The following NUBPL variants were observed in gnomAD, a reference collection of about 807,000 sequenced individuals.
NUBPL encodes iron-sulfur cluster transfer protein NUBPL.
NUBPL carries 31 observed loss-of-function variants against 45.7 expected under a neutral mutation model. That is an observed-to-expected ratio of 0.68 (90% confidence interval 0.51 to 0.92). NUBPL has a LOEUF of 0.92. NUBPL is among the 40% of genes least tolerant of loss of function. NUBPL has a pLI of 0.00. For missense variants in NUBPL, 401 were observed against 398.7 expected, an observed-to-expected ratio of 1.01 and a Z score of -0.05; for synonymous variants, 144 against 140.9, an observed-to-expected ratio of 1.02 and a Z score of -0.15.
At chr14:31,720,254 A>G (rs923526831) in intron 6 of NUBPL, among the ~76,000 whole-genome samples, 1 of 152,176 alleles carries the variant, frequency 6.6e-6, no homozygotes, top group Non-Finnish European at 1.5e-5. Context: ...TTCGTCATCT[A>G]ACTTGGAGTA....
At position 31,624,984 on chromosome 14, in the gene NUBPL, T is replaced by A. The variant is rs80221314; in HGVS notation, c.382+25605T>A. ...GACACTCTCCCACAACAAATTATTA[T>A]CCAGTCCAAAATGGCAGTTGTGTTC... On this transcript the variant is annotated intron_variant, in intron 4 of 10. Transcript: ENST00000281081. Among the ~76,000 whole-genome samples the A allele has an allele frequency of 2.4e-4, 37 of 152,302 alleles. No homozygotes were observed. The East Asian group carries it at 5.6e-3, about 23-fold the overall frequency.
intron 7 of NUBPL, among the ~76,000 whole-genome samples, chr14:31,807,953 G>A (rs2138889888): frequency 6.6e-6 from 1 of 152,262 alleles, no homozygotes; most frequent in African/African-American, 2.4e-5. Context: ...TATTATTTCT[G>A]AGGGCTCTGT....
At chr14:31,657,895 T>C (rs145610479) in intron 4 of NUBPL, among the ~76,000 whole-genome samples, 3 of 152,276 alleles carry the variant, frequency 2.0e-5, no homozygotes, top group Non-Finnish European at 4.4e-5. Flanking sequence ...AACTTGAGAA[T>C]TTTAGAAGTC....
intron 6 of NUBPL, among the ~76,000 whole-genome samples, chr14:31,786,170 A>G (rs1156414646): frequency 6.6e-6 from 1 of 152,176 alleles, no homozygotes; most frequent in Admixed American, 6.5e-5. Flanking sequence ...AAATGAATAA[A>G]TAAATAAATA....
At chr14:31,830,401 A>C (rs1318644171) in intron 8 of NUBPL, among the ~76,000 whole-genome samples, 1 of 152,158 alleles carries the variant, frequency 6.6e-6, no homozygotes, top group East Asian at 1.9e-4. Flanking sequence ...GCATGAAAAC[A>C]CTTTTTCTTC....
intron 7 of NUBPL, among the ~76,000 whole-genome samples, chr14:31,811,908 A>G (rs1451706292): frequency 6.6e-6 from 1 of 152,154 alleles, no homozygotes; most frequent in Non-Finnish European, 1.5e-5. Flanking sequence ...ATTTTGCTAG[A>G]AGTCCACTTC....
At chr14:31,571,703 G>A (rs994881150) in intron 3 of NUBPL, among the ~76,000 whole-genome samples, 1 of 152,080 alleles carries the variant, frequency 6.6e-6, no homozygotes, top group Non-Finnish European at 1.5e-5. Context: ...GCCCACCTCG[G>A]CCTCCCAAAG....
At chr14:31,811,330 TTTCTCTAAAC>T (rs2138905345) in intron 7 of NUBPL, among the ~76,000 whole-genome samples, 1 of 152,302 alleles carries the variant, frequency 6.6e-6, no homozygotes, top group Non-Finnish European at 1.5e-5. Flanking sequence ...TTTACTCTTT[TTTCTCTAAAC>T]TTCTCTTCTG....
intron 8 of NUBPL, among the ~76,000 whole-genome samples, chr14:31,839,116 A>G (rs1460206627): frequency 1.3e-5 from 2 of 152,128 alleles, no homozygotes; most frequent in Non-Finnish European, 2.9e-5. Flanking sequence ...CTAATATGTC[A>G]TTGTTTTGGT....
At chr14:31,809,181 C>T (rs894537191) in intron 7 of NUBPL, among the ~76,000 whole-genome samples, 2 of 152,182 alleles carry the variant, frequency 1.3e-5, no homozygotes, top group Non-Finnish European at 2.9e-5. Context: ...GGAATAGTTT[C>T]AGAAGGAATG....
At chr14:31,637,963 A>C (rs1231026563) in intron 4 of NUBPL, among the ~76,000 whole-genome samples, 1 of 151,738 alleles carries the variant, frequency 6.6e-6, no homozygotes, top group Non-Finnish European at 1.5e-5. Flanking sequence ...CCATCCTTTT[A>C]TTTTGAGCCT....
intron 9 of NUBPL, among the ~76,000 whole-genome samples, chr14:31,849,754 T>G (rs748206524): frequency 2.6e-5 from 4 of 152,166 alleles, no homozygotes; most frequent in Non-Finnish European, 5.9e-5. Context: ...CTCTTCAGTT[T>G]CCTCTTATTA....
At chr14:31,746,754 A>T (rs985200891) in intron 6 of NUBPL, among the ~76,000 whole-genome samples, 1 of 151,830 alleles carries the variant, frequency 6.6e-6, no homozygotes, top group Admixed American at 6.6e-5. Flanking sequence ...ATACTTTGAG[A>T]GGAATTGGTG....
At chr14:31,624,807 C>T (rs550443348) in intron 4 of NUBPL, among the ~76,000 whole-genome samples, 55 of 152,224 alleles carry the variant, frequency 3.6e-4, no homozygotes, top group Admixed American at 2.8e-3. Flanking sequence ...TCAAGTGATC[C>T]GCCTGCCTTG....
chr14:31,860,405 A>C lies in NUBPL; in HGVS notation c.*1225A>C, dbSNP rs1299845823. 5 of 151,876 alleles carry C rather than the reference A, an allele frequency of 3.3e-5. No homozygotes were observed. Among genetic ancestry groups the C allele is most frequent in the African/African-American group, 1.2e-4 (5 of 41,454 alleles). 9.4% of individuals were successfully genotyped at this position (151,876 alleles called of 1,614,324 possible). A position where few individuals can be genotyped will look rare whatever the true frequency, so the allele number is the denominator to read the frequency against. ...ATCCACCACCCCCCTCCTTTTTCAG[A>C]GCATTTCATGAAGTTCACATTTCAA... On this transcript the variant is annotated 3_prime_UTR_variant, in exon 11 of 11. Coordinates refer to ENST00000281081, the MANE Select transcript of NUBPL (RefSeq NM_025152.3).
At chr14:31,710,649 C>G (rs1028618323) in intron 6 of NUBPL, among the ~76,000 whole-genome samples, 3 of 152,124 alleles carry the variant, frequency 2.0e-5, no homozygotes, top group Non-Finnish European at 4.4e-5. Context: ...TACCCGTGTC[C>G]TATAAAGATG....
Position 31,647,390 on chromosome 14 carries a change from G to T in NUBPL, c.383-25965G>T, listed in dbSNP as rs369785321. Reference sequence around the variant, plus strand: ...TATTTTTGAATTTCTTTTTTTTCTTGTTAGGTTGCTGCCCCCTTTTTGGCA... The same window carrying T: ...TATTTTTGAATTTCTTTTTTTTCTTTTTAGGTTGCTGCCCCCTTTTTGGCA... On this transcript the variant is annotated intron_variant, in intron 4 of 10. Coordinates refer to ENST00000281081, the MANE Select transcript of NUBPL (RefSeq NM_025152.3). Among the ~76,000 whole-genome samples, 330 of 152,020 alleles carry T rather than the reference G, an allele frequency of 2.2e-3. 3 individuals carry two copies. The highest frequency in any genetic ancestry group is 7.5e-3 in the African/African-American group (313 of 41,492).
intron 3 of NUBPL, among the ~76,000 whole-genome samples, chr14:31,576,263 T>C (rs1481403146): frequency 1.3e-5 from 2 of 152,118 alleles, no homozygotes; most frequent in Non-Finnish European, 2.9e-5. Flanking sequence ...CCTTGTCCTT[T>C]TCTTCATTTA....
chr14:31,697,891 A>G (rs889938181), intron 6 of NUBPL, among the ~76,000 whole-genome samples: 2 of 152,140 alleles, frequency 1.3e-5, no homozygotes, highest in Admixed American at 6.5e-5. Flanking sequence ...GACTTACCCT[A>G]TCTCTTTTGG....
Sources: allele counts gnomAD v4.1 joint callset (sites outside exome capture counted in the v4.1 genomes callset), GRCh38; gene constraint gnomAD v4.1.1; transcripts MANE v1.5; gene names NCBI Gene and HGNC (gene_info 2026-07-23, HGNC 2026-07-21).